ALDH1A1: variants seen among roughly 807,000 people sequenced by gnomAD.
ALDH1A1 encodes the protein aldehyde dehydrogenase 1A1.
Under a neutral mutation model 62.1 loss-of-function variants are expected in ALDH1A1, and 19 were observed. The observed-to-expected ratio is 0.31, with a 90% CI of 0.21 to 0.45. The LOEUF (loss-of-function observed/expected upper bound fraction) is 0.45. Among genes scored for constraint, ALDH1A1 ranks in the 20% least tolerant of loss-of-function variants. ALDH1A1 has a pLI of 1.00. For synonymous variants in ALDH1A1, 231 were observed against 215.9 expected (o/e 1.07, Z -0.61); for missense variants, 521 against 607.1 (o/e 0.86, Z 1.49).
chr9:72,949,911 G>A (rs532721585), intron 1 of ALDH1A1, among the ~76,000 whole-genome samples: 1 of 151,342 alleles, frequency 6.6e-6, no homozygotes, highest in Admixed American at 6.6e-5. Context: ...CAAAGTTACC[G>A]AATCCTGTAG....
intron 11 of ALDH1A1, 112 bp downstream of exon 11, chr9:72,909,490 T>C: frequency 9.0e-7 from 1 of 1,104,996 alleles, no homozygotes. Flanking sequence ...CAACTGCTTT[T>C]CTAGAAGGAT....
At chr9:72,950,976 A>G (rs1317438253) in intron 1 of ALDH1A1, among the ~76,000 whole-genome samples, 2 of 151,910 alleles carry the variant, frequency 1.3e-5, no homozygotes, top group African/African-American at 4.8e-5. Flanking sequence ...ATTTAATTAC[A>G]TACATAACTG....
chr9:72,941,193 T>A (rs1830410014), intron 1 of ALDH1A1, among the ~76,000 whole-genome samples: 1 of 152,148 alleles, frequency 6.6e-6, no homozygotes, highest in Non-Finnish European at 1.5e-5. Flanking sequence ...ATGTGCTGGA[T>A]TATAACATAT....
At chr9:72,945,308 T>C (rs1830462916) in intron 1 of ALDH1A1, among the ~76,000 whole-genome samples, 1 of 151,894 alleles carries the variant, frequency 6.6e-6, no homozygotes, top group South Asian at 2.1e-4. Context: ...ATACTCAGAG[T>C]GCCTTAAATT....
chr9:72,933,620 G>A (rs1488416167), intron 2 of ALDH1A1, among the ~76,000 whole-genome samples: 1 of 48,260 alleles, frequency 2.1e-5, no homozygotes, highest in African/African-American at 6.0e-5. Flanking sequence ...AAAAGAAAAA[G>A]CAAGACAAAA....
intron 8 of ALDH1A1, 141 bp from the exon 9 acceptor site, chr9:72,917,245 G>T (rs2118509843): frequency 3.8e-6 from 2 of 522,382 alleles, no homozygotes; most frequent in South Asian, 1.0e-4. Context: ...CCTCCTACCA[G>T]CCAGGTGGCA....
intron 7 of ALDH1A1, among the ~76,000 whole-genome samples, chr9:72,921,659 T>C: frequency 6.7e-6 from 1 of 148,162 alleles, no homozygotes; most frequent in Admixed American, 6.7e-5. Flanking sequence ...TATCTCCCAA[T>C]GCTATCCCTC....
chr9:72,940,362 C>T lies in ALDH1A1; in HGVS notation c.67-110G>A. On this transcript the variant is annotated intron_variant, in intron 1 of 12. Coordinates refer to ENST00000297785, the MANE Select transcript of ALDH1A1 (RefSeq NM_000689.5). ...TTCACCATGCCTAAATGATGCACATCTCTTCACCTCTCAAAACTTTCTGGC... is the reference window on the plus strand; with the variant it reads ...TTCACCATGCCTAAATGATGCACATTTCTTCACCTCTCAAAACTTTCTGGC... 8 of 734,110 alleles carry T rather than the reference C, an allele frequency of 1.1e-5. No homozygotes were observed. The South Asian group carries it at 1.3e-4, about 12-fold the overall frequency. 45.5% of individuals were successfully genotyped at this position (734,110 alleles called of 1,614,324 possible).
chr9:72,903,467 T>C (rs1026349056), intron 12 of ALDH1A1, among the ~76,000 whole-genome samples: 1 of 152,042 alleles, frequency 6.6e-6, no homozygotes, highest in African/African-American at 2.4e-5. Context: ...AATTTAACTC[T>C]TGGGAGTCAT....
chr9:72,932,789 G>T (rs1268456153), intron 2 of ALDH1A1, among the ~76,000 whole-genome samples: 2 of 152,162 alleles, frequency 1.3e-5, no homozygotes, highest in African/African-American at 2.4e-5. Flanking sequence ...AAAAATCTGA[G>T]ATTGTCAGCA....
chr9:72,922,298 C>T (rs544717342), intron 7 of ALDH1A1, among the ~76,000 whole-genome samples: 1 of 152,156 alleles, frequency 6.6e-6, no homozygotes, highest in African/African-American at 2.4e-5. Flanking sequence ...TTTAAAGACA[C>T]ACTGCTAGGA....
intron 7 of ALDH1A1, among the ~76,000 whole-genome samples, chr9:72,921,503 C>CTTTTTTTTTTTTTTTTTT (rs11327072): frequency 1.8e-5 from 2 of 109,504 alleles, no homozygotes; most frequent in African/African-American, 3.5e-5. Context: ...ACATTTAATT[C>CTTTTTTTTTTTTTTTTTT]TTTTTTTTTT....
At chr9:72,923,594 C>G (rs1830167920) in intron 7 of ALDH1A1, among the ~76,000 whole-genome samples, 1 of 152,152 alleles carries the variant, frequency 6.6e-6, no homozygotes. Flanking sequence ...GTTTCTGGCT[C>G]TCTTTCACAG....
chr9:72,910,832 C>T (rs757306091), intron 10 of ALDH1A1, among the ~76,000 whole-genome samples: 6 of 152,076 alleles, frequency 3.9e-5, no homozygotes, highest in Non-Finnish European at 5.9e-5. Context: ...TAAATCTAAT[C>T]CTATTTGAAC....
rs1830244693 is a variant in ALDH1A1, at chr9:72,928,897, G to A, written c.437C>T (p.Pro146Leu). 1 of 1,613,348 alleles carries A rather than the reference G, an allele frequency of 6.2e-7. No individual in the cohort carries two copies. The highest frequency in any genetic ancestry group is 1.1e-5 in the South Asian group (1 of 90,896). ...WADKIQGRTI[P>L]IDGNFFTYTR... ...GGTTTCTCAAAGATACTTACCAATT[G>A]GTATTGTACGGCCCTGGATCTTGTC... The change falls in exon 4 of 13, where the codon CCA becomes CTA. Residue 146 changes from proline (P) to leucine (L), a missense_variant. By Grantham distance (98) the Pro-to-Leu change is moderately conservative (BLOSUM62 -3). Transcript: ENST00000297785.
chr9:72,925,346 G>A (rs530558923), intron 6 of ALDH1A1, 138 bp downstream of exon 6: 25 of 978,100 alleles, frequency 2.6e-5, no homozygotes, highest in Non-Finnish European at 3.3e-5. Context: ...GCAGCCAGCC[G>A]TCATGCTAAA....
intron 3 of ALDH1A1, 114 bp downstream of exon 3, chr9:72,930,765 T>C: frequency 7.9e-7 from 1 of 1,272,582 alleles, no homozygotes; most frequent in Non-Finnish European, 1.1e-6. Context: ...AAAAATGTTT[T>C]CATTTTGTTT....
chr9:72,900,918 T>A lies in ALDH1A1; in HGVS notation c.*290A>T, dbSNP rs1829794397. ...CTATAAAATTATTATCCTGCAAAAG[T>A]AGCTACAAAGGAAAATCACATAACT... On this transcript the variant is annotated 3_prime_UTR_variant, in exon 13 of 13. Coordinates refer to ENST00000297785, the MANE Select transcript of ALDH1A1 (RefSeq NM_000689.5). The A allele has an allele frequency of 4.3e-6, 1 of 234,410 alleles. No homozygotes were observed. Among genetic ancestry groups the A allele is most frequent in the African/African-American group, 2.2e-5 (1 of 44,472 alleles). 14.5% of individuals were successfully genotyped at this position (234,410 alleles called of 1,614,324 possible).
intron 9 of ALDH1A1, among the ~76,000 whole-genome samples, chr9:72,914,790 A>AT (rs36001809): frequency 6.6e-6 from 1 of 152,024 alleles, no homozygotes; most frequent in African/African-American, 2.4e-5. Flanking sequence ...TAATGTTCAA[A>AT]TTTTTTTAAA....
Sources: allele counts gnomAD v4.1 joint callset (sites outside exome capture counted in the v4.1 genomes callset), GRCh38; gene constraint gnomAD v4.1.1; transcripts MANE v1.5; gene names NCBI Gene and HGNC (gene_info 2026-07-23, HGNC 2026-07-21).